CADM1: variants seen among roughly 807,000 people sequenced by gnomAD.
The protein encoded by CADM1 is TSLC-1.
A neutral mutation model predicts 53.1 loss-of-function variants in CADM1; 15 were observed. The ratio of observed to expected loss-of-function variants is 0.28; its 90% CI spans 0.19 to 0.44. The LOEUF is 0.44. CADM1 is among the 20% of genes least tolerant of loss of function. The pLI, the probability that CADM1 is intolerant of heterozygous loss-of-function variation, is 1.00. For synonymous variants in CADM1, 281 were observed against 243.0 expected (o/e 1.16, Z -1.45); for missense variants, 434 against 611.3 (o/e 0.71, Z 3.06).
intron 1 of CADM1, among the ~76,000 whole-genome samples, chr11:115,474,342 A>T (rs893079560): frequency 1.3e-5 from 2 of 151,148 alleles, no homozygotes; most frequent in African/African-American, 4.9e-5. Context: ...CTGAATAGAC[A>T]CTTCACCAAG....
chr11:115,492,876 C>A (rs1204233333), intron 1 of CADM1, among the ~76,000 whole-genome samples: 1 of 151,836 alleles, frequency 6.6e-6, no homozygotes, highest in Admixed American at 6.6e-5. Flanking sequence ...AGGGCCCCTA[C>A]CCCCATGCAG....
chr11:115,488,391 A>C (rs1054034226), intron 1 of CADM1, among the ~76,000 whole-genome samples: 6 of 152,166 alleles, frequency 3.9e-5, no homozygotes, highest in Non-Finnish European at 8.8e-5. Flanking sequence ...CCCTCCCAAT[A>C]ATGTCAGGAA....
intron 1 of CADM1, among the ~76,000 whole-genome samples, chr11:115,370,708 C>A (rs1946286142): frequency 6.6e-6 from 1 of 152,100 alleles, no homozygotes; most frequent in Non-Finnish European, 1.5e-5. Context: ...CTTAATATGG[C>A]AGCCCAAGCA....
At chr11:115,484,641 A>T (rs536040869) in intron 1 of CADM1, among the ~76,000 whole-genome samples, 2 of 152,120 alleles carry the variant, frequency 1.3e-5, no homozygotes, top group Non-Finnish European at 1.5e-5. Context: ...CTACAGTGAG[A>T]AATGGACTCC....
intron 1 of CADM1, among the ~76,000 whole-genome samples, chr11:115,369,656 G>A (rs1371046609): frequency 1.3e-5 from 2 of 152,108 alleles, no homozygotes; most frequent in Non-Finnish European, 2.9e-5. Flanking sequence ...AACAAAATAA[G>A]TAGATTTGCA....
chr11:115,284,503 G>C lies in CADM1; in HGVS notation c.125-44083C>G, dbSNP rs573092914. Among the ~76,000 whole-genome samples, 206 of 149,964 alleles carry C rather than the reference G, an allele frequency of 1.4e-3. 2 individuals are homozygous for C. The highest frequency in any genetic ancestry group is 2.0e-3 in the East Asian group (10 of 5,128). On this transcript the variant is annotated intron_variant, in intron 1 of 11. Coordinates refer to ENST00000331581, the MANE Select transcript of CADM1 (RefSeq NM_001301043.2). ...TTAAAGGTTATAGTCAGTCAGACAA[G>C]GTTTGTCTAAAAAAAAAAAACAGAA... is the stretch of plus-strand genomic sequence containing the variant.
At chr11:115,339,810 A>G (rs150888979) in intron 1 of CADM1, among the ~76,000 whole-genome samples, 37 of 152,340 alleles carry the variant, frequency 2.4e-4, no homozygotes, top group African/African-American at 8.9e-4. Context: ...ATAGCACAGA[A>G]TAAGTAAATC....
intron 1 of CADM1, among the ~76,000 whole-genome samples, chr11:115,438,144 C>G (rs530572786): frequency 6.6e-6 from 1 of 152,262 alleles, no homozygotes; most frequent in Non-Finnish European, 1.5e-5. Context: ...AACAGTATAA[C>G]CTAGTCTCAG....
intron 1 of CADM1, among the ~76,000 whole-genome samples, chr11:115,308,203 T>G (rs1944435603): frequency 1.1e-5 from 1 of 93,424 alleles, no homozygotes; most frequent in African/African-American, 4.9e-5. Context: ...TGTATATATA[T>G]ATATATATAC....
chr11:115,429,589 A>G (rs1349917679), intron 1 of CADM1, among the ~76,000 whole-genome samples: 6 of 106,592 alleles, frequency 5.6e-5, no homozygotes, highest in Admixed American at 2.8e-4. Flanking sequence ...ACAAGAGCAG[A>G]AAAAAAAAAA....
chr11:115,310,395 T>C (rs1165034565), intron 1 of CADM1, among the ~76,000 whole-genome samples: 1 of 152,120 alleles, frequency 6.6e-6, no homozygotes, highest in East Asian at 1.9e-4. Context: ...TGCTAAGTGT[T>C]ATCAAGGAAT....
intron 5 of CADM1, among the ~76,000 whole-genome samples, chr11:115,219,927 C>T (rs902617727): frequency 6.6e-6 from 1 of 152,066 alleles, no homozygotes; most frequent in African/African-American, 2.4e-5. Flanking sequence ...CAGTTCATAC[C>T]CAGAAACAGC....
chr11:115,462,026 T>C (rs1187978562), intron 1 of CADM1, among the ~76,000 whole-genome samples: 1 of 151,846 alleles, frequency 6.6e-6, no homozygotes, highest in East Asian at 1.9e-4. Context: ...ATTTAGCCGG[T>C]AGAGGGAGAA....
At chr11:115,500,561 T>C (rs1949707508) in intron 1 of CADM1, among the ~76,000 whole-genome samples, 1 of 152,184 alleles carries the variant, frequency 6.6e-6, no homozygotes, top group African/African-American at 2.4e-5. Context: ...AGAATACAAT[T>C]TTTGGATGCT....
chr11:115,488,976 C>T (rs962197453), intron 1 of CADM1, among the ~76,000 whole-genome samples: 1 of 152,166 alleles, frequency 6.6e-6, no homozygotes, highest in Non-Finnish European at 1.5e-5. Flanking sequence ...TTCACCATGC[C>T]TCTTCTAAGA....
At chr11:115,287,186 T>C (rs576959192) in intron 1 of CADM1, among the ~76,000 whole-genome samples, 4 of 152,346 alleles carry the variant, frequency 2.6e-5, no homozygotes, top group African/African-American at 9.6e-5. Flanking sequence ...TTGTATATCT[T>C]GCACTGAAGT....
chr11:115,440,701 C>T (rs1235054285), intron 1 of CADM1, among the ~76,000 whole-genome samples: 2 of 152,242 alleles, frequency 1.3e-5, no homozygotes, highest in African/African-American at 4.8e-5. Context: ...AATCACCCAA[C>T]TTATCCTTGT....
chr11:115,193,507 C>T (rs778677901), intron 9 of CADM1, among the ~76,000 whole-genome samples: 1 of 152,098 alleles, frequency 6.6e-6, no homozygotes. Flanking sequence ...ACCCTAAGCC[C>T]GCTCAGGTAA....
chr11:115,213,063 A>G (rs1591609874), intron 7 of CADM1, among the ~76,000 whole-genome samples: 1 of 152,148 alleles, frequency 6.6e-6, no homozygotes, highest in South Asian at 2.1e-4. Context: ...GATGCACATA[A>G]CAGACTAATG....
Sources: gnomAD v4.1 joint callset for allele counts (sites outside exome capture counted in the v4.1 genomes callset) on GRCh38, gnomAD v4.1.1 for gene constraint, MANE v1.5 for transcripts, NCBI Gene and HGNC (gene_info 2026-07-23, HGNC 2026-07-21) for gene names.